Variants in MPPED2 observed in about 807,000 individuals in gnomAD.
The protein encoded by MPPED2 is metallophosphoesterase domain containing 2.
MPPED2 carries 5 observed loss-of-function variants against 33.0 expected under a neutral mutation model. The ratio of observed to expected loss-of-function variants is 0.15; its 90% CI spans 0.08 to 0.32. The LOEUF is 0.32. Ranked by LOEUF, MPPED2 falls within the 10% of genes least tolerant of loss-of-function variation. MPPED2 has a pLI of 1.00. For synonymous variants in MPPED2, 136 were observed against 141.9 expected (o/e 0.96, Z 0.29); for missense variants, 275 against 372.1 (o/e 0.74, Z 2.15).
chr11:30,532,169 T>TTAA (rs1954564697), intron 3 of MPPED2, among the ~76,000 whole-genome samples: 1 of 152,220 alleles, frequency 6.6e-6, no homozygotes. Flanking sequence ...ACAATACATG[T>TTAA]TAATACATGT....
At chr11:30,526,666 T>A (rs1954197101) in intron 3 of MPPED2, among the ~76,000 whole-genome samples, 1 of 150,124 alleles carries the variant, frequency 6.7e-6, no homozygotes, top group Non-Finnish European at 1.5e-5. Flanking sequence ...ATCGTGCCAC[T>A]GCACTCCAGC....
At chr11:30,583,709 G>A (rs1486781530) in intron 1 of MPPED2, among the ~76,000 whole-genome samples, 1 of 152,072 alleles carries the variant, frequency 6.6e-6, no homozygotes, top group Non-Finnish European at 1.5e-5. Context: ...CCACCTCCTA[G>A]ACACCAGAAG....
intron 4 of MPPED2, among the ~76,000 whole-genome samples, chr11:30,459,084 C>CCCTACG (rs1449524372): frequency 2.0e-5 from 3 of 151,318 alleles, no homozygotes; most frequent in Non-Finnish European, 4.4e-5. Flanking sequence ...CGCCACTACG[C>CCCTACG]CCGGCTAATT....
At chr11:30,436,770 T>C in intron 4 of MPPED2, among the ~76,000 whole-genome samples, 1 of 152,226 alleles carries the variant, frequency 6.6e-6, no homozygotes, top group Non-Finnish European at 1.5e-5. Flanking sequence ...ACTCACATTT[T>C]TCCCATTAAG....
intron 3 of MPPED2, among the ~76,000 whole-genome samples, chr11:30,513,813 AG>A (rs1953365374): frequency 6.6e-6 from 1 of 152,190 alleles, no homozygotes; most frequent in Admixed American, 6.5e-5. Flanking sequence ...AAAGGAAACA[AG>A]AAAAGTAAAG....
intron 3 of MPPED2, among the ~76,000 whole-genome samples, chr11:30,515,103 C>G (rs1953451166): frequency 6.6e-6 from 1 of 152,082 alleles, no homozygotes; most frequent in South Asian, 2.1e-4. Context: ...TCAAAACAAA[C>G]AAACAAAAAA....
downstream of MPPED2, among the ~76,000 whole-genome samples, chr11:30,384,280 A>C (rs1418364438): frequency 2.0e-5 from 3 of 152,214 alleles, no homozygotes; most frequent in Admixed American, 6.5e-5. Flanking sequence ...TCAGGAATCA[A>C]TAACCAAGTT....
chr11:30,521,513 A>G (rs1034965875), intron 3 of MPPED2, among the ~76,000 whole-genome samples: 16 of 152,148 alleles, frequency 1.1e-4, no homozygotes, highest in African/African-American at 3.6e-4. Context: ...GGCTCTTTGG[A>G]TTTCATTATT....
At chr11:30,499,243 G>A (rs928403562) in intron 3 of MPPED2, among the ~76,000 whole-genome samples, 1 of 148,690 alleles carries the variant, frequency 6.7e-6, no homozygotes, top group Admixed American at 6.6e-5. Context: ...CCATCTGTTT[G>A]CATCTTCTTA....
chr11:30,569,275 GA>G (rs1956588722), intron 2 of MPPED2, among the ~76,000 whole-genome samples: 1 of 152,138 alleles, frequency 6.6e-6, no homozygotes, highest in Non-Finnish European at 1.5e-5. Context: ...TCAGTTGCAA[GA>G]GGGGTTAGAA....
chr11:30,472,404 G>T (rs1950989886), intron 4 of MPPED2, among the ~76,000 whole-genome samples: 1 of 151,882 alleles, frequency 6.6e-6, no homozygotes, highest in Admixed American at 6.6e-5. Context: ...AAAATGAAGG[G>T]AGAAGAGGAC....
exon 7 of MPPED2, chr11:30,388,364 G>A (rs962528741): frequency 6.5e-6 from 1 of 152,684 alleles, no homozygotes; most frequent in Non-Finnish European, 1.5e-5. Flanking sequence ...CGGAGGGAAG[G>A]GGGACAGTTA....
chr11:30,526,300 C>T (rs918743210), intron 3 of MPPED2, among the ~76,000 whole-genome samples: 7 of 151,168 alleles, frequency 4.6e-5, no homozygotes, highest in Admixed American at 2.6e-4. Context: ...TTACACACCA[C>T]GACAAGGACA....
chr11:30,448,179 A>T (rs1390528988), intron 4 of MPPED2, among the ~76,000 whole-genome samples: 2 of 152,216 alleles, frequency 1.3e-5, no homozygotes, highest in Non-Finnish European at 2.9e-5. Context: ...AAGAGGGGAA[A>T]GGGTTTGCAA....
chr11:30,414,546 A>G (rs1429449994), intron 5 of MPPED2, among the ~76,000 whole-genome samples: 1 of 148,592 alleles, frequency 6.7e-6, no homozygotes, highest in East Asian at 2.0e-4. Context: ...TTTGGTTTCC[A>G]TTTTTTTTTC....
intron 4 of MPPED2, among the ~76,000 whole-genome samples, chr11:30,460,866 C>T (rs1348013527): frequency 1.3e-5 from 2 of 152,144 alleles, no homozygotes; most frequent in Non-Finnish European, 2.9e-5. Flanking sequence ...CCAGCAATTC[C>T]ACTTCTAAGT....
chr11:30,390,212 T>C (rs1565028886), intron 6 of MPPED2, among the ~76,000 whole-genome samples: 1 of 152,184 alleles, frequency 6.6e-6, no homozygotes, highest in Non-Finnish European at 1.5e-5. Flanking sequence ...CAACAACACT[T>C]TTTGAGCACT....
At chr11:30,513,499 C>T (rs2134322902) in intron 3 of MPPED2, among the ~76,000 whole-genome samples, 1 of 152,310 alleles carries the variant, frequency 6.6e-6, no homozygotes, top group East Asian at 1.9e-4. Flanking sequence ...CCTATGGTAT[C>T]TTCAGAATCT....
chr11:30,490,214 C>G (rs1055544558), intron 4 of MPPED2, among the ~76,000 whole-genome samples: 7 of 152,070 alleles, frequency 4.6e-5, no homozygotes, highest in Non-Finnish European at 7.4e-5. Context: ...CCACTGGTGG[C>G]AGAGAATCAA....
Sources: gnomAD v4.1 joint callset for allele counts (sites outside exome capture counted in the v4.1 genomes callset) on GRCh38, gnomAD v4.1.1 for gene constraint, MANE v1.5 for transcripts, NCBI Gene and HGNC (gene_info 2026-07-23, HGNC 2026-07-21) for gene names.